ZNF618: variants seen among roughly 807,000 people sequenced by gnomAD.
ZNF618 encodes neural precursor cell expressed, developmentally down-regulated 10.
A neutral mutation model predicts 103.0 loss-of-function variants in ZNF618; 34 were observed. The ratio of observed to expected loss-of-function variants is 0.33; its 90% CI spans 0.25 to 0.44. The LOEUF is 0.44. Ranked by LOEUF, ZNF618 falls within the 20% of genes least tolerant of loss-of-function variation. ZNF618 has a pLI of 1.00. For missense variants in ZNF618, 1,059 were observed against 1,295.4 expected (o/e 0.82, Z 2.80); for synonymous variants, 551 against 542.2 (o/e 1.02, Z -0.23).
chr9:113,901,826 T>C (rs896930297), intron 1 of ZNF618, among the ~76,000 whole-genome samples: 2 of 152,184 alleles, frequency 1.3e-5, no homozygotes, highest in African/African-American at 4.8e-5. Context: ...TCCAAACTCC[T>C]GTTCTCCGGA....
chr9:114,007,383 A>G lies in ZNF618; in HGVS notation c.584A>G (p.Lys195Arg). 1 of 1,613,890 alleles carries G rather than the reference A, an allele frequency of 6.2e-7. No individual in the cohort carries two copies. Among genetic ancestry groups the G allele is most frequent in the Non-Finnish European group, 8.5e-7 (1 of 1,179,880 alleles). ...AGGTACACATGTGATATCTGCGGGA[A>G]GAAGTACAAATACTACAGCTGTTTC... Reference protein sequence around the residue: ...NFRYTCDICGKKYKYYSCFQE... With the variant: ...NFRYTCDICGRKYKYYSCFQE... The change falls in exon 7 of 15, where the codon AAG (lysine) becomes AGG (arginine). Residue 195 changes from lysine (K) to arginine (R), a missense_variant. Transcript: ENST00000374126.
At chr9:114,008,956 T>A (rs1424826772) in intron 9 of ZNF618, among the ~76,000 whole-genome samples, 1 of 152,116 alleles carries the variant, frequency 6.6e-6, no homozygotes, top group African/African-American at 2.4e-5. Context: ...ACATAGTAGG[T>A]GCTCGGAAAA....
At chr9:114,001,653 G>A (rs1280584370) in intron 4 of ZNF618, among the ~76,000 whole-genome samples, 1 of 152,222 alleles carries the variant, frequency 6.6e-6, no homozygotes, top group Non-Finnish European at 1.5e-5. Context: ...TTATGTGGAT[G>A]CAATTTATTC....
intron 13 of ZNF618, among the ~76,000 whole-genome samples, chr9:114,036,735 G>T (rs1177442698): frequency 6.6e-6 from 1 of 152,228 alleles, no homozygotes; most frequent in Admixed American, 6.5e-5. Flanking sequence ...TTGAGATCAA[G>T]GTGAGCAGAG....
intron 1 of ZNF618, among the ~76,000 whole-genome samples, chr9:113,881,933 T>C (rs1378669130): frequency 6.6e-6 from 1 of 152,206 alleles, no homozygotes; most frequent in African/African-American, 2.4e-5. Context: ...GATGATGTGT[T>C]GCAGCCTGTG....
chr9:113,923,584 A>C (rs907663270), intron 1 of ZNF618, among the ~76,000 whole-genome samples: 8 of 152,126 alleles, frequency 5.3e-5, no homozygotes, highest in African/African-American at 1.4e-4. Context: ...GATGGGTTAC[A>C]CTATTGATTT....
chr9:113,965,184 C>T (rs781054677), intron 1 of ZNF618, among the ~76,000 whole-genome samples: 2 of 152,000 alleles, frequency 1.3e-5, no homozygotes, highest in East Asian at 3.8e-4. Flanking sequence ...TTTATTTTAT[C>T]GAAATCGTTG....
At chr9:113,887,247 T>G (rs1829161311) in intron 1 of ZNF618, among the ~76,000 whole-genome samples, 1 of 151,990 alleles carries the variant, frequency 6.6e-6, no homozygotes, top group Admixed American at 6.6e-5. Flanking sequence ...GTGGTTGAAA[T>G]GGAGGAGGTA....
chr9:114,002,119 A>G (rs547076665), intron 5 of ZNF618, 46 bp downstream of exon 5: 2 of 1,566,398 alleles, frequency 1.3e-6, no homozygotes, highest in Middle Eastern at 1.7e-4. Flanking sequence ...CGCACCTCCC[A>G]CTGTCTGCCT....
At chr9:113,944,785 G>A (rs1327779606) in intron 1 of ZNF618, among the ~76,000 whole-genome samples, 1 of 152,058 alleles carries the variant, frequency 6.6e-6, no homozygotes, top group Non-Finnish European at 1.5e-5. Context: ...TCTTATTAAG[G>A]TATTACACAT....
intron 3 of ZNF618, among the ~76,000 whole-genome samples, chr9:113,996,401 A>G (rs1367881259): frequency 6.6e-6 from 1 of 152,118 alleles, no homozygotes; most frequent in African/African-American, 2.4e-5. Flanking sequence ...CATTTTGTGT[A>G]TTGTGAAAGG....
chr9:114,036,930 T>G (rs973588880), intron 13 of ZNF618, among the ~76,000 whole-genome samples: 5 of 152,240 alleles, frequency 3.3e-5, no homozygotes, highest in African/African-American at 1.2e-4. Flanking sequence ...TGTGAATTTC[T>G]GATTCTGTAG....
chr9:113,905,948 C>A (rs1000075804), intron 1 of ZNF618, among the ~76,000 whole-genome samples: 1 of 152,092 alleles, frequency 6.6e-6, no homozygotes, highest in East Asian at 1.9e-4. Context: ...TGTTTGCTTC[C>A]CTCTCTTAGG....
intron 1 of ZNF618, among the ~76,000 whole-genome samples, chr9:113,898,775 G>A (rs140642620): frequency 5.9e-5 from 9 of 152,172 alleles, no homozygotes; most frequent in African/African-American, 9.7e-5. Context: ...AGCAGCCCGG[G>A]GTTAATGAGG....
chr9:113,998,393 A>G, intron 4 of ZNF618, 39 bp downstream of exon 4: 2 of 1,524,012 alleles, frequency 1.3e-6, no homozygotes, highest in Non-Finnish European at 1.8e-6. Context: ...ATCCGGGGCC[A>G]GTATGGGTGG....
At chr9:114,009,238 T>C (rs1028753875) in intron 9 of ZNF618, among the ~76,000 whole-genome samples, 31 of 152,026 alleles carry the variant, frequency 2.0e-4, no homozygotes, top group African/African-American at 7.5e-4. Flanking sequence ...CAGGGAGCTG[T>C]GGGAGGCCTG....
At chr9:113,972,537 G>A (rs543549298) in intron 2 of ZNF618, among the ~76,000 whole-genome samples, 10 of 152,036 alleles carry the variant, frequency 6.6e-5, no homozygotes, top group Admixed American at 3.3e-4. Flanking sequence ...TACTCACCAC[G>A]CCCTCCTGCT....
At chr9:113,969,882 CAA>C (rs150019291) in intron 2 of ZNF618, among the ~76,000 whole-genome samples, 25 of 152,244 alleles carry the variant, frequency 1.6e-4, no homozygotes, top group East Asian at 1.9e-4. Flanking sequence ...AAGGGACAGA[CAA>C]GAGAGATGGC....
intron 2 of ZNF618, among the ~76,000 whole-genome samples, chr9:113,975,301 C>T (rs1016469921): frequency 3.3e-5 from 5 of 152,174 alleles, no homozygotes; most frequent in Admixed American, 3.3e-4. Flanking sequence ...TATGGAGTCA[C>T]CCAGATGGTA....
Sources: gnomAD v4.1 joint callset for allele counts (sites outside exome capture counted in the v4.1 genomes callset) on GRCh38, gnomAD v4.1.1 for gene constraint, MANE v1.5 for transcripts, NCBI Gene and HGNC (gene_info 2026-07-23, HGNC 2026-07-21) for gene names.